Variants in EPM2A observed in about 807,000 individuals in gnomAD.
EPM2A encodes the protein laforin.
Under a neutral mutation model 26.5 loss-of-function variants are expected in EPM2A, and 21 were observed. That is an observed-to-expected ratio of 0.79 (90% CI 0.56 to 1.14). EPM2A has a LOEUF of 1.14. Among genes scored for constraint, EPM2A ranks in the 50% most tolerant of loss-of-function variants. The pLI, the probability that EPM2A is intolerant of heterozygous loss-of-function variation, is 0.00. For synonymous variants in EPM2A, 217 were observed against 177.6 expected (o/e 1.22, Z -1.76); for missense variants, 458 against 440.8 (o/e 1.04, Z -0.35).
At chr6:145,662,069 G>T (rs1164696092) in intron 2 of EPM2A, among the ~76,000 whole-genome samples, 1 of 152,068 alleles carries the variant, frequency 6.6e-6, no homozygotes, top group African/African-American at 2.4e-5. Context: ...ATGGGTTTTT[G>T]AAAAAACCAT....
intron 4 of EPM2A, among the ~76,000 whole-genome samples, chr6:145,471,304 A>C (rs1779470053): frequency 1.3e-5 from 2 of 152,060 alleles, no homozygotes; most frequent in Non-Finnish European, 2.9e-5. Context: ...CATTTTATAC[A>C]TTTTCAAAAT....
At chr6:145,474,909 C>T (rs956835819) in intron 4 of EPM2A, among the ~76,000 whole-genome samples, 5 of 152,088 alleles carry the variant, frequency 3.3e-5, no homozygotes, top group African/African-American at 1.2e-4. Flanking sequence ...CAAATCAAAA[C>T]CACAATGAGA....
At chr6:145,635,766 C>T (rs1776624185) in intron 2 of EPM2A, 1 of 396,966 alleles carries the variant, frequency 2.5e-6, no homozygotes, top group Admixed American at 3.7e-5. Context: ...CCAAGTTGTA[C>T]TTATTCCATG....
At chr6:145,706,996 T>C (rs1044768753) in intron 1 of EPM2A, among the ~76,000 whole-genome samples, 1 of 152,162 alleles carries the variant, frequency 6.6e-6, no homozygotes, top group Non-Finnish European at 1.5e-5. Context: ...TCATCCCTTT[T>C]CCCCTCTGCC....
intron 2 of EPM2A, among the ~76,000 whole-genome samples, chr6:145,533,181 A>G (rs1419394282): frequency 6.6e-6 from 1 of 152,168 alleles, no homozygotes; most frequent in Non-Finnish European, 1.5e-5. Flanking sequence ...ATCAGGAGTC[A>G]TTGTTGATTC....
chr6:145,696,651 G>T (rs1476928666), intron 1 of EPM2A, among the ~76,000 whole-genome samples: 1 of 152,002 alleles, frequency 6.6e-6, no homozygotes, highest in African/African-American at 2.4e-5. Context: ...AGATAACAGG[G>T]TTTTCTAAAA....
chr6:145,430,952 T>C (rs543620923), intron 4 of EPM2A, among the ~76,000 whole-genome samples: 2 of 152,246 alleles, frequency 1.3e-5, no homozygotes, highest in East Asian at 3.9e-4. Flanking sequence ...AATCTGAAGA[T>C]TTTTCCAGAT....
chr6:145,419,182 C>CA (rs1562327459), intron 4 of EPM2A, among the ~76,000 whole-genome samples: 1 of 113,992 alleles, frequency 8.8e-6, no homozygotes, highest in Non-Finnish European at 1.6e-5. Context: ...GTTAAATGTC[C>CA]CCCCCCCCCG....
At chr6:145,668,525 C>A (rs1019252277) in intron 2 of EPM2A, among the ~76,000 whole-genome samples, 1 of 151,922 alleles carries the variant, frequency 6.6e-6, no homozygotes, top group Non-Finnish European at 1.5e-5. Flanking sequence ...CATTTGTATC[C>A]TTTTTTATGT....
At position 145,496,246 on chromosome 6, in the gene EPM2A, T is replaced by G. The variant is rs553436188; in HGVS notation, c.555+6276A>C. Among the ~76,000 whole-genome samples the G allele has an allele frequency of 1.2e-4, 19 of 152,332 alleles. No individual in the cohort carries two copies. The South Asian group carries it at 2.7e-3, about 22-fold the overall frequency. On this transcript the variant is annotated intron_variant, in intron 4 of 4. Transcript: ENST00000638717. ...TATGCCCTTACTATTGTTTCTTTCATTTTGACCTTGATTAATCTGATAACT... is the reference window on the plus strand; with the variant it reads ...TATGCCCTTACTATTGTTTCTTTCAGTTTGACCTTGATTAATCTGATAACT...
At chr6:145,391,707 T>A (rs1778339235) in intron 4 of EPM2A, among the ~76,000 whole-genome samples, 1 of 152,168 alleles carries the variant, frequency 6.6e-6, no homozygotes. Context: ...TTTACAGATT[T>A]TGTGACAGAT....
intron 2 of EPM2A, among the ~76,000 whole-genome samples, chr6:145,530,249 A>C (rs751280450): frequency 6.6e-5 from 10 of 152,200 alleles, no homozygotes; most frequent in Non-Finnish European, 1.2e-4. Context: ...TGTGGCTGGA[A>C]CAATCTGGGC....
Position 145,489,965 on chromosome 6 carries a change from T to C in EPM2A, c.555+12557A>G, listed in dbSNP as rs1779733271. The C allele has an allele frequency of 4.3e-6, 6 of 1,382,030 alleles. No individual in the cohort carries two copies. The African/African-American group carries it at 8.6e-5, about 20-fold the overall frequency. 85.6% of individuals were successfully genotyped at this position (1,382,030 alleles called of 1,614,324 possible). On this transcript the variant is annotated intron_variant, in intron 4 of 4. Coordinates refer to the EPM2A transcript ENST00000638717. Reference sequence around the variant, plus strand: ...TGGACCTGCTCTGGAAGCACACTCGTGTGAACAAAGTACCTGGCTGTCCTG... The same window carrying C: ...TGGACCTGCTCTGGAAGCACACTCGCGTGAACAAAGTACCTGGCTGTCCTG...
chr6:145,432,691 C>G (rs555385973), intron 4 of EPM2A, among the ~76,000 whole-genome samples: 263 of 152,236 alleles, frequency 1.7e-3, no homozygotes, highest in Non-Finnish European at 3.0e-3. Flanking sequence ...CAACTTAAAG[C>G]CACCAGCCAT....
intron 4 of EPM2A, among the ~76,000 whole-genome samples, chr6:145,485,107 T>A (rs1359039592): frequency 6.6e-6 from 1 of 151,524 alleles, no homozygotes; most frequent in Non-Finnish European, 1.5e-5. Context: ...AATGAAACAG[T>A]GGGTTCCCCA....
chr6:145,660,530 G>A (rs867096236), intron 2 of EPM2A, among the ~76,000 whole-genome samples: 3 of 152,150 alleles, frequency 2.0e-5, no homozygotes, highest in Admixed American at 6.5e-5. Flanking sequence ...GGCTGAGTGC[G>A]GTAGCTCACG....
intron 1 of EPM2A, among the ~76,000 whole-genome samples, chr6:145,697,918 T>A (rs1348884036): frequency 1.3e-5 from 2 of 152,282 alleles, no homozygotes; most frequent in South Asian, 4.1e-4. Context: ...TACATCCTCC[T>A]CAGCTTACGA....
intron 4 of EPM2A, among the ~76,000 whole-genome samples, chr6:145,483,319 A>G (rs1779633026): frequency 6.6e-6 from 1 of 152,086 alleles, no homozygotes; most frequent in East Asian, 1.9e-4. Flanking sequence ...AAACACAGGT[A>G]GCTCACTTAA....
chr6:145,474,824 C>T (rs546569998), intron 4 of EPM2A, among the ~76,000 whole-genome samples: 104 of 152,262 alleles, frequency 6.8e-4, no homozygotes, highest in African/African-American at 2.4e-3. Context: ...TGAACAGACA[C>T]TTCTCAAAAG....
Sources: gnomAD v4.1 joint callset for allele counts (sites outside exome capture counted in the v4.1 genomes callset) on GRCh38, gnomAD v4.1.1 for gene constraint, MANE v1.5 for transcripts, NCBI Gene and HGNC (gene_info 2026-07-23, HGNC 2026-07-21) for gene names.